SHISA9: variants seen among roughly 807,000 people sequenced by gnomAD.
The protein encoded by SHISA9 is shisa family member 9.
Under a neutral mutation model 38.0 loss-of-function variants are expected in SHISA9, and 13 were observed. That is an observed-to-expected ratio of 0.34 (90% CI 0.22 to 0.54). The LOEUF is 0.54. SHISA9 is among the 20% of genes least tolerant of loss of function. The pLI, the probability that SHISA9 is intolerant of heterozygous loss-of-function variation, is 0.91. For missense variants in SHISA9, 538 were observed against 575.8 expected (o/e 0.93, Z 0.67); for synonymous variants, 275 against 242.0 (o/e 1.14, Z -1.27).
At chr16:12,974,431 A>G (rs977617518) in intron 2 of SHISA9, among the ~76,000 whole-genome samples, 1 of 148,232 alleles carries the variant, frequency 6.7e-6, no homozygotes, top group Non-Finnish European at 1.5e-5. Flanking sequence ...AATTAAGAAT[A>G]TGACTTTCAT....
chr16:13,546,101 G>C, the SHISA9 span, among the ~76,000 whole-genome samples: 5 of 152,266 alleles, frequency 3.3e-5, no homozygotes, highest in African/African-American at 9.6e-5. Context: ...AGCCAGACTT[G>C]TCTTTGGAGA....
At chr16:13,119,519 A>G (rs1037688034) in intron 2 of SHISA9, among the ~76,000 whole-genome samples, 3 of 152,208 alleles carry the variant, frequency 2.0e-5, no homozygotes, top group African/African-American at 4.8e-5. Context: ...ATTATAGGCA[A>G]TGATATATTA....
At chr16:13,032,822 A>G (rs1471016149) in intron 2 of SHISA9, among the ~76,000 whole-genome samples, 3 of 152,196 alleles carry the variant, frequency 2.0e-5, no homozygotes, top group Non-Finnish European at 4.4e-5. Context: ...CAGGAGTGCA[A>G]CTGAATTCAG....
At chr16:12,996,089 C>A (rs1337662188) in intron 2 of SHISA9, among the ~76,000 whole-genome samples, 1 of 152,180 alleles carries the variant, frequency 6.6e-6, no homozygotes, top group Non-Finnish European at 1.5e-5. Context: ...GTACACGTGC[C>A]TCTTTTTATC....
At chr16:13,145,904 A>G (rs1337191629) in intron 2 of SHISA9, among the ~76,000 whole-genome samples, 1 of 151,912 alleles carries the variant, frequency 6.6e-6, no homozygotes, top group African/African-American at 2.4e-5. Flanking sequence ...ATTCATAGTG[A>G]GGGCTGGGCG....
rs1227991387 is a variant in SHISA9 at position 13,182,949 on chromosome 16, C to T, written c.692-20445C>T. On this transcript the variant is annotated intron_variant, in intron 2 of 4. Coordinates refer to ENST00000558583, the MANE Select transcript of SHISA9 (RefSeq NM_001145204.3). ...AGCAGAAGTCACCCTGAAGTTGCTTCTCTTACATGTCTGGCAATGGATACT... is the reference window on the plus strand; with the variant it reads ...AGCAGAAGTCACCCTGAAGTTGCTTTTCTTACATGTCTGGCAATGGATACT... Among the ~76,000 whole-genome samples, 5 of 152,252 alleles carry T rather than the reference C, an allele frequency of 3.3e-5. No individual in the cohort carries two copies. In the East Asian group the frequency reaches 9.6e-4, roughly 29 times the overall value.
chr16:13,095,398 A>G (rs1473519322), intron 2 of SHISA9, among the ~76,000 whole-genome samples: 1 of 152,184 alleles, frequency 6.6e-6, no homozygotes, highest in East Asian at 1.9e-4. Context: ...CAAAATGGGG[A>G]AGAAGCAATG....
At chr16:13,475,492 T>G in the SHISA9 span, among the ~76,000 whole-genome samples, 1 of 152,088 alleles carries the variant, frequency 6.6e-6, no homozygotes, top group East Asian at 1.9e-4. Context: ...ATAGCAGAAA[T>G]AGGAGTGATC....
chr16:12,975,317 A>G (rs752567617), intron 2 of SHISA9, among the ~76,000 whole-genome samples: 3 of 152,108 alleles, frequency 2.0e-5, no homozygotes, highest in Non-Finnish European at 2.9e-5. Flanking sequence ...ATCCTGGCCA[A>G]CATGGTGAAA....
At chr16:13,156,897 C>T (rs373880748) in intron 2 of SHISA9, among the ~76,000 whole-genome samples, 1 of 152,154 alleles carries the variant, frequency 6.6e-6, no homozygotes, top group Non-Finnish European at 1.5e-5. Flanking sequence ...ACATCATGTG[C>T]GTCATCAAAA....
the SHISA9 span, among the ~76,000 whole-genome samples, chr16:13,412,367 G>A: frequency 6.6e-6 from 1 of 152,248 alleles, no homozygotes; most frequent in East Asian, 1.9e-4. Context: ...AGGAATGCTA[G>A]TGCTTAGTGT....
the SHISA9 span, among the ~76,000 whole-genome samples, chr16:13,369,041 A>C: frequency 2.0e-5 from 3 of 152,198 alleles, no homozygotes; most frequent in Non-Finnish European, 2.9e-5. Context: ...TTAAATATTT[A>C]TATAATGGAA....
At chr16:13,323,334 A>C in the SHISA9 span, among the ~76,000 whole-genome samples, 1 of 152,192 alleles carries the variant, frequency 6.6e-6, no homozygotes. Flanking sequence ...GAGTTGAGTC[A>C]ACAGATGCAT....
At chr16:13,144,101 T>A (rs903189230) in intron 2 of SHISA9, among the ~76,000 whole-genome samples, 2 of 151,920 alleles carry the variant, frequency 1.3e-5, no homozygotes, top group South Asian at 4.1e-4. Context: ...TTCTGACAGA[T>A]GAATTAGTGT....
intron 2 of SHISA9, among the ~76,000 whole-genome samples, chr16:12,955,197 A>G (rs144139065): frequency 1.3e-5 from 2 of 152,112 alleles, no homozygotes; most frequent in Non-Finnish European, 2.9e-5. Flanking sequence ...GACAATGGGC[A>G]TGTCAGGACT....
At chr16:13,241,902 C>G (rs1169423464), downstream of SHISA9, among the ~76,000 whole-genome samples, 4 of 152,278 alleles carry the variant, frequency 2.6e-5, no homozygotes, top group Middle Eastern at 3.4e-3. Flanking sequence ...TGGAGTCACT[C>G]ACATCAGAGC....
chr16:12,947,108 G>A lies in SHISA9; in HGVS notation c.691+30293G>A, dbSNP rs78355161. Reference sequence around the variant, plus strand: ...TCACTGTAATCTGGGTGGTCCCAAGGTGGGTGTTACTCTTACTCTGGGATG... The same window carrying A: ...TCACTGTAATCTGGGTGGTCCCAAGATGGGTGTTACTCTTACTCTGGGATG... On this transcript the variant is annotated intron_variant, in intron 2 of 4. Coordinates refer to ENST00000558583, the MANE Select transcript of SHISA9 (RefSeq NM_001145204.3). Among the ~76,000 whole-genome samples the A allele has an allele frequency of 3.2e-3, 492 of 152,286 alleles. 1 individual carries two copies. Among genetic ancestry groups the A allele is most frequent in the African/African-American group, 0.011 (444 of 41,560 alleles).
the SHISA9 span, among the ~76,000 whole-genome samples, chr16:13,389,044 G>C: frequency 6.6e-6 from 1 of 152,090 alleles, no homozygotes; most frequent in East Asian, 1.9e-4. Context: ...CACCAGAGCG[G>C]CACGTCTGCT....
chr16:13,152,285 G>T (rs2050506468), intron 2 of SHISA9, among the ~76,000 whole-genome samples: 1 of 152,114 alleles, frequency 6.6e-6, no homozygotes, highest in Non-Finnish European at 1.5e-5. Flanking sequence ...CAAGTCAGGA[G>T]AGGTTGTCTA....
Sources: gnomAD v4.1 joint callset for allele counts (sites outside exome capture counted in the v4.1 genomes callset) on GRCh38, gnomAD v4.1.1 for gene constraint, MANE v1.5 for transcripts, NCBI Gene and HGNC (gene_info 2026-07-23, HGNC 2026-07-21) for gene names.